The following LIN7A variants were observed in gnomAD, a reference collection of about 807,000 sequenced individuals.
LIN7A encodes protein lin-7 homolog A.
Under a neutral mutation model 29.8 loss-of-function variants are expected in LIN7A, and 25 were observed. The ratio of observed to expected loss-of-function variants is 0.84; its 90% CI spans 0.61 to 1.17. LIN7A has a LOEUF of 1.17. Among genes scored for constraint, LIN7A ranks in the 50% most tolerant of loss-of-function variants. The pLI is 0.00. For synonymous variants in LIN7A, 118 were observed against 107.5 expected (o/e 1.10, Z -0.60); for missense variants, 239 against 287.0 (o/e 0.83, Z 1.21).
At position 80,937,931 on chromosome 12, in the gene LIN7A, G is replaced by T. The variant is rs962558780; in HGVS notation, c.-209C>A. 1.4e-5 allele frequency: 6 copies of T among 431,342 alleles called. No individual in the cohort carries two copies. Among genetic ancestry groups the T allele is most frequent in the South Asian group, 1.2e-4 (2 of 17,008 alleles). 26.7% of individuals were successfully genotyped at this position (431,342 alleles called of 1,614,324 possible). On this transcript the variant is annotated 5_prime_UTR_variant, in exon 1 of 6. Coordinates refer to ENST00000552864, the MANE Select transcript of LIN7A (RefSeq NM_004664.4). ...CGGAGCTGAGCAGGTATCCGAGAGC[G>T]ACTGCATCGCCGGGCTCTGGGAGGG...
intron 4 of LIN7A, among the ~76,000 whole-genome samples, chr12:80,820,080 T>C (rs543160116): frequency 1.3e-5 from 2 of 152,200 alleles, no homozygotes; most frequent in African/African-American, 2.4e-5. Context: ...ATTCATACAA[T>C]TGATATGCTA....
intron 4 of LIN7A, chr12:80,842,207 C>A: frequency 9.8e-6 from 10 of 1,018,830 alleles, no homozygotes; most frequent in Non-Finnish European, 1.2e-5. Context: ...CTTTCCATCA[C>A]ACTTTATAAC....
intron 1 of LIN7A, among the ~76,000 whole-genome samples, chr12:80,933,850 A>C (rs1200550767): frequency 6.6e-6 from 1 of 151,548 alleles, no homozygotes; most frequent in East Asian, 1.9e-4. Flanking sequence ...ACTCTCCTTT[A>C]CCCAGTTTTA....
chr12:80,824,491 G>A (rs1254225740), intron 4 of LIN7A, among the ~76,000 whole-genome samples: 1 of 152,040 alleles, frequency 6.6e-6, no homozygotes, highest in Non-Finnish European at 1.5e-5. Flanking sequence ...AGATAAAGAG[G>A]AAATCCTCCC....
At position 80,929,909 on chromosome 12, in the gene LIN7A, T is replaced by C. The variant is rs187608205; in HGVS notation, c.82+7732A>G. On this transcript the variant is annotated intron_variant, in intron 1 of 5. Transcript: ENST00000552864. The stretch of plus-strand genomic sequence containing the variant: ...AAATCACTTTCAGCAGTCCCTCAAC[T>C]ATATTCCCCAATTTTTTCTTCATTA... Among the ~76,000 whole-genome samples, 563 of 152,278 alleles carry C rather than the reference T, an allele frequency of 3.7e-3. 3 individuals are homozygous for C. The highest frequency in any genetic ancestry group is 8.7e-3 in the South Asian group (42 of 4,824).
chr12:80,816,013 T>A (rs7312276), intron 4 of LIN7A, among the ~76,000 whole-genome samples: 54,943 of 152,066 alleles, frequency 0.36, 10,238 homozygotes, highest in Non-Finnish European at 0.42. Flanking sequence ...ATGAGCATAC[T>A]TGAAATGAAT....
intron 1 of LIN7A, among the ~76,000 whole-genome samples, chr12:80,927,035 A>T (rs1031550231): frequency 1.3e-5 from 2 of 151,700 alleles, no homozygotes; most frequent in Admixed American, 6.6e-5. Context: ...TTGTTTTTTA[A>T]TCAGATATTA....
At chr12:80,836,657 A>T (rs150867929) in intron 4 of LIN7A, among the ~76,000 whole-genome samples, 1,762 of 152,204 alleles carry the variant, frequency 0.012, 31 homozygotes, top group African/African-American at 0.04. Context: ...CCTGTCTCAA[A>T]AAATAAATAA....
chr12:80,870,962 A>G (rs1397771016), intron 2 of LIN7A, among the ~76,000 whole-genome samples: 1 of 152,226 alleles, frequency 6.6e-6, no homozygotes, highest in African/African-American at 2.4e-5. Context: ...TTATTTGTAT[A>G]CCTCAGGGAA....
intron 1 of LIN7A, among the ~76,000 whole-genome samples, chr12:80,934,450 G>A (rs755133813): frequency 5.9e-5 from 9 of 152,158 alleles, no homozygotes; most frequent in Non-Finnish European, 1.3e-4. Flanking sequence ...TAATCACCTT[G>A]TTCATCCTTT....
chr12:80,860,908 G>T (rs1873840875), intron 2 of LIN7A: 1 of 152,294 alleles, frequency 6.6e-6, no homozygotes, highest in South Asian at 2.1e-4. Flanking sequence ...TGAGAGAACT[G>T]CCTCTTGCTC....
intron 4 of LIN7A, among the ~76,000 whole-genome samples, chr12:80,839,781 A>T (rs1461770838): frequency 6.6e-6 from 1 of 152,194 alleles, no homozygotes; most frequent in Non-Finnish European, 1.5e-5. Flanking sequence ...TCAACTTGAT[A>T]TAGGTATTTA....
intron 1 of LIN7A, among the ~76,000 whole-genome samples, chr12:80,902,929 A>T (rs1456220337): frequency 6.6e-6 from 1 of 151,732 alleles, no homozygotes; most frequent in Non-Finnish European, 1.5e-5. Context: ...GGGTGGTGTT[A>T]TCTTGTTCCA....
At chr12:80,864,395 T>C (rs1165131197) in intron 2 of LIN7A, among the ~76,000 whole-genome samples, 2 of 152,164 alleles carry the variant, frequency 1.3e-5, no homozygotes, top group Non-Finnish European at 2.9e-5. Flanking sequence ...GAGAAAATAA[T>C]GGCTGTTTAC....
chr12:80,804,289 G>A (rs1870864493), intron 5 of LIN7A, among the ~76,000 whole-genome samples: 1 of 152,002 alleles, frequency 6.6e-6, no homozygotes, highest in South Asian at 2.1e-4. Context: ...TAGTCACCCT[G>A]TTGTGCTGTC....
chr12:80,918,262 G>GT (rs2120853921), intron 1 of LIN7A, among the ~76,000 whole-genome samples: 1 of 151,784 alleles, frequency 6.6e-6, no homozygotes, highest in African/African-American at 2.4e-5. Flanking sequence ...GATGAGGCTG[G>GT]TCTCAAACTC....
chr12:80,824,995 T>C (rs187516574), intron 4 of LIN7A, among the ~76,000 whole-genome samples: 81 of 152,306 alleles, frequency 5.3e-4, no homozygotes, highest in Non-Finnish European at 7.1e-4. Context: ...TTCAACATAG[T>C]ACTGGAAGTC....
At chr12:80,832,953 T>A (rs544279633) in intron 4 of LIN7A, among the ~76,000 whole-genome samples, 1 of 152,076 alleles carries the variant, frequency 6.6e-6, no homozygotes, top group African/African-American at 2.4e-5. Context: ...GGATAAACAT[T>A]CTACAATGCA....
At chr12:80,934,887 C>A (rs1878123801) in intron 1 of LIN7A, among the ~76,000 whole-genome samples, 1 of 152,156 alleles carries the variant, frequency 6.6e-6, no homozygotes, top group African/African-American at 2.4e-5. Flanking sequence ...GCCCACCTGC[C>A]ACAATTCCTC....
Sources: allele counts gnomAD v4.1 joint callset (sites outside exome capture counted in the v4.1 genomes callset), GRCh38; gene constraint gnomAD v4.1.1; transcripts MANE v1.5; gene names NCBI Gene and HGNC (gene_info 2026-07-23, HGNC 2026-07-21).